The following NAP1L4 variants were observed in gnomAD, a reference collection of about 807,000 sequenced individuals.
NAP1L4 encodes the protein nucleosome assembly protein 1 like 4, also known as nucleosome assembly protein 1-like 4.
Under a neutral mutation model 58.2 loss-of-function variants are expected in NAP1L4, and 15 were observed. That is an observed-to-expected ratio of 0.26 (90% CI 0.17 to 0.40). NAP1L4 has a LOEUF of 0.40. Among genes scored for constraint, NAP1L4 ranks in the 10% least tolerant of loss-of-function variants. The pLI, the probability that NAP1L4 is intolerant of heterozygous loss-of-function variation, is 1.00. For missense variants in NAP1L4, 384 were observed against 451.1 expected (o/e 0.85, Z 1.35); for synonymous variants, 171 against 155.6 (o/e 1.10, Z -0.74).
At chr11:2,975,520 C>A (rs1847902836) in intron 4 of NAP1L4, among the ~76,000 whole-genome samples, 1 of 151,956 alleles carries the variant, frequency 6.6e-6, no homozygotes, top group Non-Finnish European at 1.5e-5. Context: ...CAATTGAGGC[C>A]ATGAGTTCAA....
intron 15 of NAP1L4, among the ~76,000 whole-genome samples, chr11:2,947,561 T>C (rs1031015752): frequency 6.6e-6 from 1 of 152,096 alleles, no homozygotes. Flanking sequence ...ACAGGAGTTT[T>C]AGAAGTGAAT....
intron 8 of NAP1L4, among the ~76,000 whole-genome samples, chr11:2,963,248 G>A (rs537161767): frequency 2.0e-5 from 3 of 152,002 alleles, no homozygotes; most frequent in South Asian, 2.1e-4. Context: ...AAGAAAAAAC[G>A]CACAGAAACT....
rs1846091688 is a variant in NAP1L4 at position 2,949,171 on chromosome 11, G to A, written c.*32+56C>T. 2.2e-6 allele frequency: 3 copies of A among 1,367,742 alleles called. No individual in the cohort carries two copies. The highest frequency in any genetic ancestry group is 2.3e-5 in the East Asian group (1 of 43,674). 84.7% of individuals were successfully genotyped at this position (1,367,742 alleles called of 1,614,324 possible). On this transcript the variant is annotated intron_variant, in intron 15 of 15. Transcript: ENST00000380542. This position sits in a 1 kb window ranked among gnomAD's most constrained non-coding sequence, Gnocchi z 4.0. Reference sequence around the variant, plus strand: ...TTATTCAAAGTCAAAACAATGCATTGTATAAAGTATAGATCAGAAGTTTGG... The same window carrying A: ...TTATTCAAAGTCAAAACAATGCATTATATAAAGTATAGATCAGAAGTTTGG...
At chr11:2,945,712 C>A in intron 15 of NAP1L4, 66 bp from the exon 16 acceptor site, 1 of 1,345,938 alleles carries the variant, frequency 7.4e-7, no homozygotes, top group Non-Finnish European at 1.0e-6. Flanking sequence ...TAGCTCCAAT[C>A]AACAATGAAA....
At position 2,969,889 on chromosome 11, in the gene NAP1L4, T is replaced by C. The variant is rs755263099; in HGVS notation, c.448A>G (p.Thr150Ala). The change falls in exon 7 of 16, where the codon ACG becomes GCG. Residue 150 changes from threonine (T) to alanine (A), a missense_variant. Physicochemically the swap from Thr to Ala is moderately conservative, Grantham distance 58 (BLOSUM62 0). Around this residue, in one of 3 missense-constraint regions of NAP1L4, gnomAD observed 296 missense variants for 360.8 expected, o/e 0.82. Coordinates refer to ENST00000380542, the MANE Select transcript of NAP1L4 (RefSeq NM_005969.4). ...CCTTTGGGATCTGGCTCTTCAGCCG[T>C]TGCCGCTGCTTTTTCTGTGACGACT... ...KVVVTEKAAA[T>A]AEEPDPKGIP... 3 of 1,613,888 alleles carry C rather than the reference T, an allele frequency of 1.9e-6. No homozygotes were observed. The highest frequency in any genetic ancestry group is 2.5e-6 in the Non-Finnish European group (3 of 1,179,822).
In NAP1L4 at chr11:2,968,601, G is replaced by T. The variant is rs150204926; in HGVS notation, c.534+1202C>A. 4.6e-3 allele frequency among the ~76,000 whole-genome samples: 705 copies of T among 152,312 alleles called. 3 individuals carry two copies. Among genetic ancestry groups the T allele is most frequent in the Non-Finnish European group, 8.3e-3 (566 of 68,024 alleles). ...TTAAACAAGGGAGGTAGCAGAGGCA[G>T]CAATGTGATACATTTGTGAAAACCA... On this transcript the variant is annotated intron_variant, in intron 7 of 15. Transcript: ENST00000380542.
intron 10 of NAP1L4, among the ~76,000 whole-genome samples, chr11:2,956,091 G>A (rs2133919829): frequency 6.6e-6 from 1 of 152,338 alleles, no homozygotes; most frequent in Middle Eastern, 3.4e-3. Flanking sequence ...CCCAGGCTGT[G>A]GCCATTCAGT....
chr11:2,970,228 C>T (rs1156368315), intron 6 of NAP1L4, among the ~76,000 whole-genome samples: 2 of 152,170 alleles, frequency 1.3e-5, no homozygotes, highest in Non-Finnish European at 2.9e-5. Flanking sequence ...CCAGTGCTAG[C>T]TCTGTGAGGT....
chr11:2,962,715 A>G (rs944899311), intron 8 of NAP1L4, among the ~76,000 whole-genome samples: 1 of 152,140 alleles, frequency 6.6e-6, no homozygotes, highest in African/African-American at 2.4e-5. Flanking sequence ...CCAGAGCTCT[A>G]GTCTATGAGT....
chr11:2,964,394 C>G (rs1847132092), intron 8 of NAP1L4, among the ~76,000 whole-genome samples: 1 of 152,222 alleles, frequency 6.6e-6, no homozygotes, highest in South Asian at 2.1e-4. Flanking sequence ...GCTGCAGGGT[C>G]TGGGGCATCA....
chr11:2,964,815 A>G, intron 7 of NAP1L4, 64 bp from the exon 8 acceptor site: 3 of 1,247,740 alleles, frequency 2.4e-6, no homozygotes, highest in Non-Finnish European at 3.5e-6. Flanking sequence ...TCTCCCGAAG[A>G]GTCATGGTTG....
chr11:2,954,815 A>C lies in NAP1L4; in HGVS notation c.916-169T>G. The C allele has an allele frequency of 1.2e-6, 1 of 812,464 alleles. No individual in the cohort carries two copies. Among genetic ancestry groups the C allele is most frequent in the Non-Finnish European group, 2.0e-6 (1 of 511,522 alleles). The allele number at this position is 812,464 out of a possible 1,614,324, so 50.3% of individuals were successfully genotyped here. A position where few individuals can be genotyped will look rare whatever the true frequency, so the allele number is the denominator to read the frequency against. ...AGACACTCAAAGCCCCTTTAAAACAACTTTAAGTAGCTTTAAAGAGCTACT... is the reference window on the plus strand; with the variant it reads ...AGACACTCAAAGCCCCTTTAAAACACCTTTAAGTAGCTTTAAAGAGCTACT... On this transcript the variant is annotated intron_variant, in intron 11 of 15. Transcript: ENST00000380542. The surrounding 1 kb of genome is among the most constrained non-coding windows in gnomAD (Gnocchi z 4.8).
intron 7 of NAP1L4, among the ~76,000 whole-genome samples, chr11:2,967,608 TAA>T (rs36005224): frequency 7.5e-4 from 89 of 118,216 alleles, no homozygotes; most frequent in Admixed American, 9.6e-4. Context: ...GAGACTCCGT[TAA>T]AAAAAAAAAA....
chr11:2,958,448 C>G lies in NAP1L4; in HGVS notation c.843G>C (p.Thr281=). ...AAAAGGACTCATTGGGTACTTGTTTCGTAATTGTTCTAACAGTGCCTCGAC... is the reference window on the plus strand; with the variant it reads ...AAAAGGACTCATTGGGTACTTGTTTGGTAATTGTTCTAACAGTGCCTCGAC... The part of the protein sequence containing the change: ...HKGRGTVRTI[T]KQVPNESFFN... Residue 281 remains threonine (T), a synonymous_variant, in exon 10 of 16, where the codon ACG becomes ACC. Coordinates refer to ENST00000380542, the MANE Select transcript of NAP1L4 (RefSeq NM_005969.4). 1 of 1,614,140 alleles carries G rather than the reference C, an allele frequency of 6.2e-7. No individual in the cohort carries two copies. The highest frequency in any genetic ancestry group is 2.2e-5 in the East Asian group (1 of 44,882).
At chr11:2,984,627 TC>T (rs1427386904) in intron 1 of NAP1L4, among the ~76,000 whole-genome samples, 48 of 152,178 alleles carry the variant, frequency 3.2e-4, no homozygotes, top group Non-Finnish European at 6.6e-4. Context: ...CCCGTCACCT[TC>T]TGCAGAATAC....
In NAP1L4 at chr11:2,986,468, A is replaced by G. The variant is rs571087846; in HGVS notation, c.-18+5786T>C. 2.0e-3 allele frequency among the ~76,000 whole-genome samples: 305 copies of G among 152,208 alleles called. 1 individual carries two copies. The highest frequency in any genetic ancestry group is 6.9e-3 in the African/African-American group (288 of 41,532). ...TAGTCGTACTCCCCAAAACTTTTAT[A>G]TATTTACTCTGTCTTAATAAACTCA... On this transcript the variant is annotated intron_variant, in intron 1 of 15. Coordinates refer to ENST00000380542, the MANE Select transcript of NAP1L4 (RefSeq NM_005969.4).
intron 6 of NAP1L4, among the ~76,000 whole-genome samples, 186 bp from the exon 7 acceptor site, chr11:2,970,120 T>C (rs535513602): frequency 6.6e-6 from 1 of 152,256 alleles, no homozygotes; most frequent in East Asian, 1.9e-4. Flanking sequence ...GAAAAAGCAT[T>C]CAAGTCATTA....
chr11:2,984,571 C>CA, intron 1 of NAP1L4, among the ~76,000 whole-genome samples: 1 of 152,286 alleles, frequency 6.6e-6, no homozygotes. Flanking sequence ...AACTCTGTCT[C>CA]AAAAAACAAA....
chr11:2,969,997 C>A, intron 6 of NAP1L4, 63 bp from the exon 7 acceptor site: 2 of 1,503,680 alleles, frequency 1.3e-6, no homozygotes, highest in South Asian at 1.3e-5. Context: ...AGCGGCTTCA[C>A]GTAGAATATC....
Sources: gnomAD v4.1 joint callset for allele counts (sites outside exome capture counted in the v4.1 genomes callset) on GRCh38, gnomAD v4.1.1 for gene constraint, gnomAD v4.1.1 regional missense constraint, Gnocchi (gnomAD v3.1) non-coding constraint, MANE v1.5 for transcripts, NCBI Gene and HGNC (gene_info 2026-07-23, HGNC 2026-07-21) for gene names.